Variants in ATP8B4 observed in about 807,000 individuals in gnomAD.
ATP8B4 encodes ATPase phospholipid transporting 8B4 (putative).
In ATP8B4, 133 loss-of-function variants were observed where a neutral mutation model predicts 145.6. The observed-to-expected ratio is 0.91, with a 90% CI of 0.79 to 1.05. The LOEUF (loss-of-function observed/expected upper bound fraction) is 1.05, where lower values mean the gene tolerates loss of function less well. Ranked by LOEUF, ATP8B4 falls within the 50% of genes least tolerant of loss-of-function variation. The pLI is 0.00. For synonymous variants in ATP8B4, 507 were observed against 492.9 expected, an observed-to-expected ratio of 1.03 and a Z score of -0.38; for missense variants, 1,458 against 1,425.2, an observed-to-expected ratio of 1.02 and a Z score of -0.37.
intron 4 of ATP8B4, among the ~76,000 whole-genome samples, chr15:50,046,393 G>GAAAACA (rs2051722337): frequency 6.6e-6 from 1 of 151,980 alleles, no homozygotes; most frequent in Non-Finnish European, 1.5e-5. Flanking sequence ...GCCAATGTGT[G>GAAAACA]AAAACAAAAA....
At chr15:50,147,674 C>G (rs962962089) in intron 1 of ATP8B4, among the ~76,000 whole-genome samples, 5 of 151,862 alleles carry the variant, frequency 3.3e-5, no homozygotes, top group African/African-American at 4.8e-5. Context: ...TCGGGACCTG[C>G]CAAAAGACAC....
At chr15:50,150,155 G>A (rs142493426) in intron 1 of ATP8B4, among the ~76,000 whole-genome samples, 28 of 152,278 alleles carry the variant, frequency 1.8e-4, no homozygotes, top group African/African-American at 6.3e-4. Flanking sequence ...TGGCTACAAG[G>A]ATCAGTAACA....
intron 3 of ATP8B4, among the ~76,000 whole-genome samples, chr15:50,051,248 G>C (rs376483613): frequency 2.0e-5 from 3 of 152,162 alleles, no homozygotes; most frequent in African/African-American, 7.2e-5. Context: ...ATGTGAAGAA[G>C]GACGTGTTTG....
At chr15:49,916,448 T>G (rs1166260525) in intron 20 of ATP8B4, among the ~76,000 whole-genome samples, 1 of 152,192 alleles carries the variant, frequency 6.6e-6, no homozygotes, top group Non-Finnish European at 1.5e-5. Flanking sequence ...ATTCCATCTT[T>G]ATATGCTGTT....
intron 14 of ATP8B4, among the ~76,000 whole-genome samples, chr15:49,961,540 G>A (rs1176877245): frequency 6.6e-6 from 1 of 151,976 alleles, no homozygotes; most frequent in Non-Finnish European, 1.5e-5. Flanking sequence ...AATCCTAAAT[G>A]TCCATTAGAG....
chr15:49,910,975 G>A (rs2039165350), intron 20 of ATP8B4, among the ~76,000 whole-genome samples: 1 of 151,786 alleles, frequency 6.6e-6, no homozygotes, highest in African/African-American at 2.4e-5. Context: ...AAAACTCACT[G>A]GTAAAGCAAA....
chr15:50,175,229 G>A (rs114860252), intron 1 of ATP8B4, among the ~76,000 whole-genome samples: 2,018 of 152,198 alleles, frequency 0.013, 45 homozygotes, highest in African/African-American at 0.046. Context: ...CTAGACATTG[G>A]CTTATGCAAG....
intron 7 of ATP8B4, among the ~76,000 whole-genome samples, chr15:50,010,347 C>G (rs1420523851): frequency 6.6e-6 from 1 of 151,956 alleles, no homozygotes; most frequent in Non-Finnish European, 1.5e-5. Flanking sequence ...ATAAAGTAAA[C>G]TCTCATTAAT....
intron 2 of ATP8B4, among the ~76,000 whole-genome samples, chr15:50,085,911 T>TATGATATATATCATA (rs1567330741): frequency 2.2e-5 from 2 of 92,046 alleles, no homozygotes; most frequent in African/African-American, 5.4e-5. Context: ...TCATATATAT[T>TATGATATATATCATA]TATATATGAT....
chr15:49,920,185 A>T (rs2040127066), intron 18 of ATP8B4, 61 bp downstream of exon 18: 1 of 1,570,200 alleles, frequency 6.4e-7, no homozygotes, highest in Non-Finnish European at 8.7e-7. Context: ...TCCTGTGCTA[A>T]ATCTCTAAAC....
At chr15:49,920,832 C>G (rs963443893) in intron 17 of ATP8B4, among the ~76,000 whole-genome samples, 2 of 152,144 alleles carry the variant, frequency 1.3e-5, no homozygotes, top group African/African-American at 4.8e-5. Context: ...GAGGAAAGGA[C>G]CCTTAGAGAA....
chr15:50,024,024 T>A lies in ATP8B4; in HGVS notation c.363-13107A>T, dbSNP rs79973524. On this transcript the variant is annotated intron_variant, in intron 6 of 27. Coordinates refer to ENST00000284509, the MANE Select transcript of ATP8B4 (RefSeq NM_024837.4). ...CTGGAAAATTAGGTTCTATTATTTT[T>A]AAAAATATTAACATATTATCACTCA... Among the ~76,000 whole-genome samples the A allele has an allele frequency of 4.6e-5, 7 of 152,204 alleles. No homozygotes were observed. The South Asian group carries it at 1.0e-3, about 22-fold the overall frequency.
At chr15:50,037,328 A>G (rs2050914187) in intron 6 of ATP8B4, among the ~76,000 whole-genome samples, 1 of 152,214 alleles carries the variant, frequency 6.6e-6, no homozygotes, top group African/African-American at 2.4e-5. Context: ...CAGACTTGAG[A>G]AAGTCAAGAT....
chr15:50,158,021 T>C (rs1473689608), intron 1 of ATP8B4, among the ~76,000 whole-genome samples: 1 of 152,192 alleles, frequency 6.6e-6, no homozygotes, highest in African/African-American at 2.4e-5. Context: ...CCTCCTGAGG[T>C]GCCGGGATTG....
chr15:49,863,287 T>C (rs1035576669), intron 26 of ATP8B4, among the ~76,000 whole-genome samples: 21 of 152,214 alleles, frequency 1.4e-4, no homozygotes, highest in African/African-American at 4.8e-4. Flanking sequence ...CAGGAGACTG[T>C]TGATGCAGCC....
intron 1 of ATP8B4, among the ~76,000 whole-genome samples, chr15:50,180,938 G>A (rs2044838050): frequency 6.6e-6 from 1 of 152,174 alleles, no homozygotes. Flanking sequence ...AGAGGACATG[G>A]ACAGAAACCT....
At chr15:49,873,383 A>G (rs1472108748) in intron 25 of ATP8B4, among the ~76,000 whole-genome samples, 3 of 152,214 alleles carry the variant, frequency 2.0e-5, no homozygotes, top group Non-Finnish European at 2.9e-5. Flanking sequence ...ATGTAGACGC[A>G]ATCTAACAGC....
At position 49,886,243 on chromosome 15, in the gene ATP8B4, GAATTTGAGTAGGATACTC is replaced by G. The variant is rs375811725; in HGVS notation, c.2698-6802_2698-6785del. Among the ~76,000 whole-genome samples the G allele has an allele frequency of 6.5e-3, 986 of 152,224 alleles. 20 individuals are homozygous for G. Among genetic ancestry groups the G allele is most frequent in the African/African-American group, 0.023 (945 of 41,528 alleles). ...AGGGAGTCGGCAGACAGAACTGTGT[GAATTTGAGTAGGATACTC>G]AATCTCTCTGTGTCTTGGTTTCCTA... is the stretch of plus-strand genomic sequence containing the variant. On this transcript the variant is annotated intron_variant, in intron 23 of 27. Coordinates refer to ENST00000284509, the MANE Select transcript of ATP8B4 (RefSeq NM_024837.4).
chr15:49,919,057 G>GA, intron 18 of ATP8B4, 107 bp from the exon 19 acceptor site: 1 of 810,712 alleles, frequency 1.2e-6, no homozygotes, highest in Non-Finnish European at 1.9e-6. Context: ...ATTAATTGAA[G>GA]ACAGAAATTA....
Sources: gnomAD v4.1 joint callset for allele counts (sites outside exome capture counted in the v4.1 genomes callset) on GRCh38, gnomAD v4.1.1 for gene constraint, MANE v1.5 for transcripts, NCBI Gene and HGNC (gene_info 2026-07-23, HGNC 2026-07-21) for gene names.